The following ATR variants were observed in gnomAD, a reference collection of about 807,000 sequenced individuals.
ATR encodes the protein serine/threonine-protein kinase ATR.
A neutral mutation model predicts 305.3 loss-of-function variants in ATR; 142 were observed. The ratio of observed to expected loss-of-function variants is 0.47; its 90% CI spans 0.41 to 0.53. The LOEUF is 0.53. ATR is among the 20% of genes least tolerant of loss of function. The pLI, the probability that ATR is intolerant of heterozygous loss-of-function variation, is 0.00. For missense variants in ATR, 2,135 were observed against 3,133.1 expected, an observed-to-expected ratio of 0.68 and a Z score of 7.60; for synonymous variants, 1,050 against 1,068.1, an observed-to-expected ratio of 0.98 and a Z score of 0.33.
At position 142,535,356 on chromosome 3, in the gene ATR, C is replaced by T; in HGVS notation, c.3820-151G>A. ...TTTCCATTCCTTCCTTTGTACAGCA[C>T]AAATCATTTTTAGTAATTCTGAGGG... On this transcript the variant is annotated intron_variant, in intron 20 of 46. Transcript: ENST00000350721. 3.7e-6 allele frequency: 3 copies of T among 819,568 alleles called. No individual in the cohort carries two copies. The Admixed American group carries it at 8.7e-5, about 24-fold the overall frequency. The allele number at this position is 819,568 out of a possible 1,614,324, so 50.8% of individuals were successfully genotyped here. A position where few individuals can be genotyped will look rare whatever the true frequency, so the allele number is the denominator to read the frequency against.
chr3:142,485,366 A>T (rs894614922), intron 35 of ATR, 84 bp from the exon 36 acceptor site: 31 of 1,507,874 alleles, frequency 2.1e-5, no homozygotes, highest in Non-Finnish European at 2.7e-5. Context: ...ATTAGGGATC[A>T]AAAGTATGTG....
chr3:142,485,350 T>G, intron 35 of ATR, 68 bp from the exon 36 acceptor site: 5 of 1,557,972 alleles, frequency 3.2e-6, no homozygotes, highest in Non-Finnish European at 4.4e-6. Context: ...AAAATATGAA[T>G]AGATGATTAG....
At chr3:142,451,165 T>G (rs1002502307) in intron 46 of ATR, 1 of 1,210,088 alleles carries the variant, frequency 8.3e-7, no homozygotes, top group Non-Finnish European at 1.0e-6. Context: ...CTGAGGAATC[T>G]TCCAAAGAAA....
At chr3:142,531,952 C>T (rs1363239791) in intron 21 of ATR, among the ~76,000 whole-genome samples, 1 of 152,244 alleles carries the variant, frequency 6.6e-6, no homozygotes, top group Non-Finnish European at 1.5e-5. Flanking sequence ...ACCATTCTAA[C>T]TGGTGTGAGA....
chr3:142,556,042 T>C lies in ATR; in HGVS notation c.2176A>G (p.Ser726Gly). Residue 726 changes from serine (S) to glycine (G), a missense_variant, in exon 10 of 47, where the codon AGT (serine) becomes GGT (glycine). Transcript: ENST00000350721. ...CTLHGMFYLTSSLTEPFSEHG... is the reference protein window; with the variant it reads ...CTLHGMFYLTGSLTEPFSEHG... ...TCAGAGAAAGGTTCTGTTAAAGAAC[T>C]TGTCAGATAAAACATGCCGTGAAGA... 1 of 1,614,120 alleles carries C rather than the reference T, an allele frequency of 6.2e-7. No homozygotes were observed. Among genetic ancestry groups the C allele is most frequent in the Non-Finnish European group, 8.5e-7 (1 of 1,179,996 alleles).
intron 37 of ATR, 100 bp from the exon 38 acceptor site, chr3:142,469,669 A>G: frequency 9.8e-7 from 1 of 1,018,436 alleles, no homozygotes; most frequent in Non-Finnish European, 1.5e-6. Context: ...AAATAGCTTT[A>G]AAGTATGTTA....
intron 36 of ATR, among the ~76,000 whole-genome samples, chr3:142,480,684 G>A (rs2030370331): frequency 6.6e-6 from 1 of 152,224 alleles, no homozygotes; most frequent in Non-Finnish European, 1.5e-5. Context: ...TGCCCCCAGA[G>A]GTGGAGTCTA....
intron 42 of ATR, 53 bp from the exon 43 acceptor site, chr3:142,459,436 C>G (rs1387555145): frequency 1.2e-6 from 2 of 1,601,142 alleles, no homozygotes; most frequent in Non-Finnish European, 1.7e-6. Context: ...AAAAAAGGGG[C>G]AAAGTTTTTT....
chr3:142,540,895 G>A lies in ATR; in HGVS notation c.3581+9C>T, dbSNP rs773912232. On this transcript the variant is annotated intron_variant, in intron 18 of 46. Coordinates refer to ENST00000350721, the MANE Select transcript of ATR (RefSeq NM_001184.4). ...AAAAAAAAATTAATAAACTCAGGCA[G>A]TCATTTACCTGCAACACAATTCAGG... The A allele has an allele frequency of 1.2e-6, 2 of 1,603,430 alleles. No homozygotes were observed. The highest frequency in any genetic ancestry group is 1.7e-6 in the Non-Finnish European group (2 of 1,174,092).
At chr3:142,536,338 T>C (rs912122992) in intron 19 of ATR, 137 bp from the exon 20 acceptor site, 24 of 652,690 alleles carry the variant, frequency 3.7e-5, no homozygotes, top group Admixed American at 1.6e-4. Flanking sequence ...CAAAGTATTT[T>C]CTAACTATGT....
At chr3:142,506,581 G>A (rs1022662100) in intron 28 of ATR, among the ~76,000 whole-genome samples, 4 of 152,128 alleles carry the variant, frequency 2.6e-5, no homozygotes, top group Admixed American at 6.5e-5. Flanking sequence ...CAGCTGCTCG[G>A]GAGGCTGAGG....
At position 142,547,717 on chromosome 3, in the gene ATR, T is replaced by C; in HGVS notation, c.3357+8A>G. The C allele has an allele frequency of 1.9e-6, 3 of 1,612,378 alleles. No homozygotes were observed. Among genetic ancestry groups the C allele is most frequent in the Non-Finnish European group, 2.5e-6 (3 of 1,178,638 alleles). On this transcript the variant is annotated splice_region_variant and intron_variant, in intron 16 of 46. Transcript: ENST00000350721. ...AAACAAAAAAACCTCATAGAACATA[T>C]TCCTTACCATCAGTTCAGGTGATAT...
At position 142,560,332 on chromosome 3, in the gene ATR, T is replaced by C; in HGVS notation, c.1472A>G (p.Glu491Gly). ...GLKNPVIEML[E>G]GIAVVLQLTA... ...CAGTTGTAAGACAACAGCAATTCCT[T>C]CTAACATCTCAATAACAGGATTCTT... The change falls in exon 6 of 47, where the codon GAA becomes GGA. Residue 491 changes from glutamate (E) to glycine (G), a missense_variant. Transcript: ENST00000350721. 1.2e-6 allele frequency: 2 copies of C among 1,613,890 alleles called. No homozygotes were observed. The highest frequency in any genetic ancestry group is 1.7e-6 in the Non-Finnish European group (2 of 1,179,892).
intron 14 of ATR, among the ~76,000 whole-genome samples, chr3:142,549,884 T>C (rs1054255286): frequency 6.6e-6 from 1 of 152,224 alleles, no homozygotes; most frequent in Non-Finnish European, 1.5e-5. Flanking sequence ...ATATTAGACT[T>C]TGAATTGCCA....
intron 26 of ATR, among the ~76,000 whole-genome samples, chr3:142,512,793 T>TA (rs950201638): frequency 6.6e-6 from 1 of 152,102 alleles, no homozygotes; most frequent in Non-Finnish European, 1.5e-5. Flanking sequence ...AGGTGGAGGT[T>TA]GCAGTGAGCC....
At chr3:142,533,360 G>C (rs998223733) in intron 21 of ATR, among the ~76,000 whole-genome samples, 1 of 152,176 alleles carries the variant, frequency 6.6e-6, no homozygotes, top group Non-Finnish European at 1.5e-5. Context: ...TAATGTTTGA[G>C]CATATATTTC....
Position 142,520,148 on chromosome 3 carries a change from G to A in ATR, c.4267-364C>T, listed in dbSNP as rs2033083370. Among the ~76,000 whole-genome samples, 8 of 151,986 alleles carry A rather than the reference G, an allele frequency of 5.3e-5. No homozygotes were observed. The South Asian group carries it at 1.7e-3, about 32-fold the overall frequency. Reference sequence around the variant, plus strand: ...TTGATGTTACTGTTGTAATTGCTTTGGGGCTCCACAAACTGTGCCCATATA... The same window carrying A: ...TTGATGTTACTGTTGTAATTGCTTTAGGGCTCCACAAACTGTGCCCATATA... On this transcript the variant is annotated intron_variant, in intron 23 of 46. Coordinates refer to ENST00000350721, the MANE Select transcript of ATR (RefSeq NM_001184.4).
At chr3:142,456,964 A>T (rs1426650709) in intron 45 of ATR, among the ~76,000 whole-genome samples, 1 of 152,250 alleles carries the variant, frequency 6.6e-6, no homozygotes, top group Non-Finnish European at 1.5e-5. Context: ...TATACACAAG[A>T]GAACTGAAAA....
intron 42 of ATR, 29 bp from the exon 43 acceptor site, chr3:142,459,412 A>C: frequency 6.2e-7 from 1 of 1,612,536 alleles, no homozygotes. Context: ...TCCATTAATC[A>C]CATCAGCCAA....
Sources: allele counts gnomAD v4.1 joint callset (sites outside exome capture counted in the v4.1 genomes callset), GRCh38; gene constraint gnomAD v4.1.1; transcripts MANE v1.5; gene names NCBI Gene and HGNC (gene_info 2026-07-23, HGNC 2026-07-21).